The following GRIN2A variants were observed in gnomAD, a reference collection of about 807,000 sequenced individuals.
GRIN2A encodes the protein glutamate receptor ionotropic, NMDA 2A.
A neutral mutation model predicts 113.4 loss-of-function variants in GRIN2A; 22 were observed. That is an observed-to-expected ratio of 0.19 (90% CI 0.14 to 0.28). The LOEUF (loss-of-function observed/expected upper bound fraction) is 0.28. GRIN2A is among the 10% of genes least tolerant of loss of function. The pLI is 1.00. For synonymous variants in GRIN2A, 827 were observed against 738.4 expected (o/e 1.12, Z -1.94); for missense variants, 1,502 against 1,887.0 (o/e 0.80, Z 3.78).
chr16:10,049,663 G>A (rs949469297), intron 2 of GRIN2A, among the ~76,000 whole-genome samples: 1 of 152,204 alleles, frequency 6.6e-6, no homozygotes, highest in Non-Finnish European at 1.5e-5. Flanking sequence ...ACAGGCATGA[G>A]TCACCGCGAC....
intron 2 of GRIN2A, among the ~76,000 whole-genome samples, chr16:10,139,183 G>GTGGA (rs1334959833): frequency 6.6e-6 from 1 of 152,180 alleles, no homozygotes; most frequent in Non-Finnish European, 1.5e-5. Context: ...AGACCTAGGG[G>GTGGA]TGGAAGCTTG....
chr16:10,144,939 A>AAAAG (rs1555487360), intron 2 of GRIN2A, among the ~76,000 whole-genome samples: 11 of 150,028 alleles, frequency 7.3e-5, no homozygotes, highest in Non-Finnish European at 1.6e-4. Context: ...AAAAAAAAAA[A>AAAAG]AGAGAGATGA....
At chr16:9,903,577 T>A (rs972206837) in intron 3 of GRIN2A, among the ~76,000 whole-genome samples, 1 of 152,182 alleles carries the variant, frequency 6.6e-6, no homozygotes, top group African/African-American at 2.4e-5. Flanking sequence ...TCCATATTAT[T>A]TTTCTGCAGC....
intron 2 of GRIN2A, among the ~76,000 whole-genome samples, chr16:10,018,773 C>G (rs1199244212): frequency 6.6e-6 from 1 of 152,088 alleles, no homozygotes; most frequent in Non-Finnish European, 1.5e-5. Flanking sequence ...AAACTCATCT[C>G]CCAACCCGAG....
At chr16:9,901,331 C>T (rs919958666) in intron 3 of GRIN2A, among the ~76,000 whole-genome samples, 1 of 152,146 alleles carries the variant, frequency 6.6e-6, no homozygotes, top group East Asian at 1.9e-4. Flanking sequence ...ACTAGACATC[C>T]AGTGAGGTAA....
At chr16:9,866,221 AGAGGG>A (rs2043158159) in intron 4 of GRIN2A, among the ~76,000 whole-genome samples, 1 of 152,234 alleles carries the variant, frequency 6.6e-6, no homozygotes, top group Non-Finnish European at 1.5e-5. Context: ...CAAGAAATGC[AGAGGG>A]CTTCAGAAGT....
chr16:9,820,505 C>T (rs2042262133), intron 10 of GRIN2A, among the ~76,000 whole-genome samples: 1 of 152,148 alleles, frequency 6.6e-6, no homozygotes, highest in Non-Finnish European at 1.5e-5. Flanking sequence ...ATAATGGCCC[C>T]AAAATAGGAC....
intron 4 of GRIN2A, among the ~76,000 whole-genome samples, chr16:9,869,302 A>G (rs1349968304): frequency 6.6e-6 from 1 of 152,138 alleles, no homozygotes; most frequent in Non-Finnish European, 1.5e-5. Flanking sequence ...GTGTGGTGGT[A>G]CATGCCTGTA....
chr16:10,165,515 T>TATATATATATGGATATATATATAC (rs2049896585), intron 2 of GRIN2A, among the ~76,000 whole-genome samples: 1 of 142,104 alleles, frequency 7.0e-6, no homozygotes, highest in Non-Finnish European at 1.6e-5. Flanking sequence ...TATATACATA[T>TATATATATATGGATATATATATAC]ATATATATAT....
chr16:10,168,443 A>T (rs1042774487), intron 2 of GRIN2A, among the ~76,000 whole-genome samples: 3 of 152,170 alleles, frequency 2.0e-5, no homozygotes, highest in Admixed American at 6.5e-5. Flanking sequence ...TTTTTTAAAA[A>T]TCAAGGATTT....
intron 3 of GRIN2A, among the ~76,000 whole-genome samples, chr16:9,920,783 G>A (rs2044344505): frequency 2.0e-5 from 3 of 152,024 alleles, no homozygotes; most frequent in African/African-American, 7.2e-5. Flanking sequence ...CCAGAAAGCT[G>A]ACCTCGTGAT....
At chr16:9,849,573 G>C (rs536711265) in intron 5 of GRIN2A, among the ~76,000 whole-genome samples, 183 bp downstream of exon 5, 1 of 152,090 alleles carries the variant, frequency 6.6e-6, no homozygotes, top group Non-Finnish European at 1.5e-5. Flanking sequence ...ATGAATGCAA[G>C]TGTGGCACAT....
intron 2 of GRIN2A, among the ~76,000 whole-genome samples, chr16:9,977,815 A>G (rs1356948846): frequency 1.3e-5 from 2 of 152,198 alleles, no homozygotes; most frequent in Non-Finnish European, 2.9e-5. Flanking sequence ...TGGTGAGTAA[A>G]TACCTCTCTT....
chr16:9,918,674 C>T (rs1171604435), intron 3 of GRIN2A, among the ~76,000 whole-genome samples: 2 of 152,098 alleles, frequency 1.3e-5, no homozygotes, highest in African/African-American at 4.8e-5. Flanking sequence ...AAAAGTGTTT[C>T]TCAAATTCTT....
intron 11 of GRIN2A, among the ~76,000 whole-genome samples, chr16:9,785,527 C>G (rs1192813127): frequency 6.6e-6 from 1 of 151,864 alleles, no homozygotes; most frequent in African/African-American, 2.4e-5. Context: ...CAACATGGCA[C>G]ATGTACACAT....
At chr16:9,850,044 A>T in intron 4 of GRIN2A, 83 bp from the exon 5 acceptor site, 2 of 1,187,322 alleles carry the variant, frequency 1.7e-6, no homozygotes, top group Non-Finnish European at 2.5e-6. Flanking sequence ...TGCCAGAGAC[A>T]TCCATCCGTC....
intron 11 of GRIN2A, among the ~76,000 whole-genome samples, chr16:9,775,127 C>A (rs568678777): frequency 6.6e-6 from 1 of 152,320 alleles, no homozygotes; most frequent in East Asian, 1.9e-4. Flanking sequence ...CCATTTTGAA[C>A]CTGTACCCTT....
Position 9,769,103 on chromosome 16 carries a change from A to G in GRIN2A, c.2357-14T>C. 6.3e-7 allele frequency: 1 copy of G among 1,595,760 alleles called. No individual in the cohort carries two copies. Among genetic ancestry groups the G allele is most frequent in the Non-Finnish European group, 8.6e-7 (1 of 1,163,274 alleles). On this transcript the variant is annotated splice_polypyrimidine_tract_variant and intron_variant, in intron 11 of 12. Transcript: ENST00000330684. ...CCTCCATCTCACCTGGACAGATCAC[A>G]ACATTCACAGGCAGTGAGGACCAGA...
At chr16:9,765,809 A>G (rs1342294576) in intron 12 of GRIN2A, among the ~76,000 whole-genome samples, 1 of 152,188 alleles carries the variant, frequency 6.6e-6, no homozygotes, top group Non-Finnish European at 1.5e-5. Flanking sequence ...AGTCACAGTG[A>G]AGAGTTCTGA....
Sources: allele counts gnomAD v4.1 joint callset (sites outside exome capture counted in the v4.1 genomes callset), GRCh38; gene constraint gnomAD v4.1.1; transcripts MANE v1.5; gene names NCBI Gene and HGNC (gene_info 2026-07-23, HGNC 2026-07-21).